SERPINF1: variants seen among roughly 807,000 people sequenced by gnomAD.
SERPINF1 encodes the protein pigment epithelium-derived factor.
In SERPINF1, 29 loss-of-function variants were observed where a neutral mutation model predicts 37.3. That is an observed-to-expected ratio of 0.78 (90% CI 0.58 to 1.06). The LOEUF is 1.06. SERPINF1 is among the 50% of genes least tolerant of loss of function. SERPINF1 has a pLI of 0.00. For missense variants in SERPINF1, 553 were observed against 532.2 expected, an observed-to-expected ratio of 1.04 and a Z score of -0.38; for synonymous variants, 281 against 227.9, an observed-to-expected ratio of 1.23 and a Z score of -2.10.
At chr17:1,767,080 C>T in intron 2 of SERPINF1, 86 bp downstream of exon 2, 9 of 1,212,482 alleles carry the variant, frequency 7.4e-6, no homozygotes, top group African/African-American at 1.5e-5. Context: ...GGAACCCGGA[C>T]CCAGGTTCCA....
At position 1,776,372 on chromosome 17, in the gene SERPINF1, A is replaced by G. The variant is rs1908028813; in HGVS notation, c.787-160A>G. The G allele has an allele frequency of 4.2e-6, 3 of 715,522 alleles. No homozygotes were observed. The Admixed American group carries it at 6.3e-5, about 15-fold the overall frequency. 44.3% of individuals were successfully genotyped at this position (715,522 alleles called of 1,614,324 possible). On this transcript the variant is annotated intron_variant, in intron 6 of 7. Transcript: ENST00000254722. ...ACCTCAGGAGATGGCTCACTGCCAG[A>G]AAGCTATAACCTGGAAGGGGAATTG...
chr17:1,767,077 G>A (rs1288255846), intron 2 of SERPINF1, 83 bp downstream of exon 2: 14 of 1,249,954 alleles, frequency 1.1e-5, no homozygotes, highest in African/African-American at 3.0e-5. Flanking sequence ...CAGGGAACCC[G>A]GACCCAGGTT....
At chr17:1,767,372 C>A (rs747275637) in intron 2 of SERPINF1, among the ~76,000 whole-genome samples, 8 of 152,264 alleles carry the variant, frequency 5.3e-5, no homozygotes, top group East Asian at 1.9e-4. Context: ...GAACTCCCGA[C>A]CTCAAGTGAT....
intron 5 of SERPINF1, among the ~76,000 whole-genome samples, chr17:1,774,179 T>C (rs1907894054): frequency 6.6e-6 from 1 of 152,026 alleles, no homozygotes; most frequent in South Asian, 2.1e-4. Context: ...GCTGTAGGAG[T>C]GCACACCAGT....
chr17:1,770,159 T>C, intron 3 of SERPINF1, 109 bp downstream of exon 3: 1 of 1,240,872 alleles, frequency 8.1e-7, no homozygotes. Flanking sequence ...AGGGGTGAAG[T>C]AGCACCAGGG....
At chr17:1,771,850 C>A (rs776096281) in intron 4 of SERPINF1, 22 bp from the exon 5 acceptor site, 3 of 1,607,240 alleles carry the variant, frequency 1.9e-6, no homozygotes, top group South Asian at 2.2e-5. Context: ...CATACGCTAA[C>A]CTCTGCTCCG....
chr17:1,767,300 G>T (rs1308557496), intron 2 of SERPINF1, among the ~76,000 whole-genome samples: 3 of 152,146 alleles, frequency 2.0e-5, no homozygotes, highest in Admixed American at 6.6e-5. Flanking sequence ...GCACCACCAA[G>T]CCCGGCTCAT....
chr17:1,771,250 C>G lies in SERPINF1; in HGVS notation c.439+66C>G, dbSNP rs998999534. On this transcript the variant is annotated intron_variant, in intron 4 of 7. Coordinates refer to ENST00000254722, the MANE Select transcript of SERPINF1 (RefSeq NM_002615.7). The stretch of plus-strand genomic sequence containing the variant: ...GCTCCATGCTGCAGGCTGGGGGGGT[C>G]TTTTTTTTTTTTTTTTGAGACGGAG... 5 of 1,211,654 alleles carry G rather than the reference C, an allele frequency of 4.1e-6. No individual in the cohort carries two copies. In the Admixed American group the frequency reaches 8.5e-5, roughly 21 times the overall value. The allele number at this position is 1,211,654 out of a possible 1,614,324, so 75.1% of individuals were successfully genotyped here.
intron 1 of SERPINF1, among the ~76,000 whole-genome samples, chr17:1,763,715 G>A (rs1480010738): frequency 6.6e-6 from 1 of 152,168 alleles, no homozygotes; most frequent in African/African-American, 2.4e-5. Flanking sequence ...GTCTAGCTCG[G>A]GGCCACCTTT....
rs1597357758 is a variant in SERPINF1 at position 1,777,405 on chromosome 17, C to T, written c.1216C>T (p.Leu406Phe). ...FVLRDTDTGA[L>F]LFIGKILDPR... ...ACTGAGGGACACAGACACAGGGGCC[C>T]TTCTCTTCATTGGCAAGATTCTGGA... The change falls in exon 8 of 8, where the codon CTT (leucine) becomes TTT (phenylalanine). Residue 406 changes from leucine to phenylalanine, a missense_variant. Leu to Phe is a conservative substitution (Grantham distance 22). Transcript: ENST00000254722. 1 of 1,614,140 alleles carries T rather than the reference C, an allele frequency of 6.2e-7. No individual in the cohort carries two copies. Among genetic ancestry groups the T allele is most frequent in the Non-Finnish European group, 8.5e-7 (1 of 1,180,032 alleles).
chr17:1,771,258 T>C, intron 4 of SERPINF1, 74 bp downstream of exon 4: 3 of 1,454,738 alleles, frequency 2.1e-6, no homozygotes, highest in Non-Finnish European at 2.8e-6. Flanking sequence ...GTCTTTTTTT[T>C]TTTTTTTTGA....
At chr17:1,770,232 C>T (rs1907645656) in intron 3 of SERPINF1, among the ~76,000 whole-genome samples, 182 bp downstream of exon 3, 1 of 152,186 alleles carries the variant, frequency 6.6e-6, no homozygotes, top group South Asian at 2.1e-4. Flanking sequence ...CACGATTCCC[C>T]AGCTCCCCGA....
rs146773822 is a variant in SERPINF1 at position 1,769,992 on chromosome 17, G to A, written c.225G>A (p.Thr75=). 7.4e-5 allele frequency: 120 copies of A among 1,614,112 alleles called. No individual in the cohort carries two copies. The African/African-American group carries it at 1.2e-3, about 17-fold the overall frequency. ...LYRVRSSTSP[T]TNVLLSPLSV... Reference sequence around the variant, plus strand: ...GGGTGCGATCCAGCACGAGCCCCACGACCAACGTGCTCCTGTCTCCTCTCA... The same window carrying A: ...GGGTGCGATCCAGCACGAGCCCCACAACCAACGTGCTCCTGTCTCCTCTCA... Residue 75 remains threonine, a synonymous_variant, in exon 3 of 8, where the codon ACG becomes ACA. Coordinates refer to ENST00000254722, the MANE Select transcript of SERPINF1 (RefSeq NM_002615.7).
At chr17:1,767,489 C>T (rs555756213) in intron 2 of SERPINF1, among the ~76,000 whole-genome samples, 1 of 152,318 alleles carries the variant, frequency 6.6e-6, no homozygotes, top group Admixed American at 6.5e-5. Flanking sequence ...CTCCACTGAG[C>T]AGGTCATGTT....
At chr17:1,766,865 G>A (rs760137768) in intron 1 of SERPINF1, 38 bp from the exon 2 acceptor site, 42 of 1,535,498 alleles carry the variant, frequency 2.7e-5, no homozygotes, top group South Asian at 8.4e-5. Context: ...GTGCAGTGTC[G>A]GGGGAGAGCG....
chr17:1,764,746 G>C (rs1325203067), intron 1 of SERPINF1, among the ~76,000 whole-genome samples: 1 of 152,154 alleles, frequency 6.6e-6, no homozygotes, highest in Non-Finnish European at 1.5e-5. Context: ...TGTGTGCTGT[G>C]TGGGTGGATG....
intron 1 of SERPINF1, among the ~76,000 whole-genome samples, chr17:1,765,668 G>GA (rs1907328909): frequency 6.6e-6 from 1 of 151,994 alleles, no homozygotes; most frequent in African/African-American, 2.4e-5. Flanking sequence ...TTTTACAAGA[G>GA]AAAAAATGGT....
In SERPINF1 at chr17:1,777,548, A is replaced by G; in HGVS notation, c.*102A>G. ...CTGTAAGGTTTCAATGCATACAATA[A>G]AAGAGCTTTATCCCTAACTTCTGTT... On this transcript the variant is annotated 3_prime_UTR_variant, in exon 8 of 8. Transcript: ENST00000254722. The G allele has an allele frequency of 2.1e-6, 3 of 1,412,862 alleles. No homozygotes were observed. The highest frequency in any genetic ancestry group is 3.0e-6 in the Non-Finnish European group (3 of 1,005,292). The allele number at this position is 1,412,862 out of a possible 1,614,324, so 87.5% of individuals were successfully genotyped here.
chr17:1,765,157 T>C (rs923756028), intron 1 of SERPINF1, among the ~76,000 whole-genome samples: 1 of 148,964 alleles, frequency 6.7e-6, no homozygotes, highest in Non-Finnish European at 1.5e-5. Flanking sequence ...TTTTTTTTTT[T>C]TGAGATGGAG....
Sources: gnomAD v4.1 joint callset for allele counts (sites outside exome capture counted in the v4.1 genomes callset) on GRCh38, gnomAD v4.1.1 for gene constraint, MANE v1.5 for transcripts, NCBI Gene and HGNC (gene_info 2026-07-23, HGNC 2026-07-21) for gene names.